The following CDH13 variants were observed in gnomAD, a reference collection of about 807,000 sequenced individuals.
The protein encoded by CDH13 is cadherin-13.
Under a neutral mutation model 63.8 loss-of-function variants are expected in CDH13, and 24 were observed. The observed-to-expected ratio is 0.38, with a 90% CI of 0.27 to 0.53. The LOEUF is 0.53. CDH13 is among the 20% of genes least tolerant of loss of function. The pLI is 0.85. For missense variants in CDH13, 1,049 were observed against 903.1 expected (o/e 1.16, Z -2.07); for synonymous variants, 503 against 355.3 (o/e 1.42, Z -4.67).
At chr16:83,176,754 G>T (rs946365738) in intron 4 of CDH13, among the ~76,000 whole-genome samples, 1 of 152,084 alleles carries the variant, frequency 6.6e-6, no homozygotes, top group Non-Finnish European at 1.5e-5. Flanking sequence ...GTCTTTAGTT[G>T]CTTGATGAAA....
chr16:83,416,297 A>G (rs2071546743), intron 6 of CDH13, among the ~76,000 whole-genome samples: 1 of 152,230 alleles, frequency 6.6e-6, no homozygotes, highest in Non-Finnish European at 1.5e-5. Flanking sequence ...AAGACTTACT[A>G]TTGTTAAAAC....
chr16:83,644,094 C>A (rs1314517655), intron 8 of CDH13, among the ~76,000 whole-genome samples: 1 of 152,230 alleles, frequency 6.6e-6, no homozygotes, highest in South Asian at 2.1e-4. Flanking sequence ...AGTCCTTGGA[C>A]CCTGCAGCCT....
intron 1 of CDH13, among the ~76,000 whole-genome samples, chr16:82,760,192 C>T (rs1373217066): frequency 2.0e-5 from 3 of 152,034 alleles, no homozygotes; most frequent in Non-Finnish European, 4.4e-5. Context: ...ATATCTGTGC[C>T]AGTTAGACAT....
intron 4 of CDH13, among the ~76,000 whole-genome samples, chr16:83,196,678 C>G (rs1315053358): frequency 6.6e-6 from 1 of 152,172 alleles, no homozygotes; most frequent in Non-Finnish European, 1.5e-5. Flanking sequence ...CAAATAAGCT[C>G]ATGAACAAAT....
intron 1 of CDH13, among the ~76,000 whole-genome samples, chr16:82,767,279 A>G (rs778354289): frequency 1.3e-5 from 2 of 152,188 alleles, no homozygotes; most frequent in Non-Finnish European, 2.9e-5. Context: ...AGTTCCCTCA[A>G]GCCTCTTCCG....
chr16:82,866,794 G>A (rs889691684), intron 2 of CDH13, among the ~76,000 whole-genome samples: 13 of 152,112 alleles, frequency 8.5e-5, no homozygotes, highest in South Asian at 2.1e-4. Context: ...GAGAAGTGCC[G>A]AGATAAGGGG....
intron 3 of CDH13, among the ~76,000 whole-genome samples, chr16:83,107,303 G>A (rs1272839234): frequency 7.4e-6 from 1 of 135,306 alleles, no homozygotes; most frequent in Non-Finnish European, 1.6e-5. Flanking sequence ...TTGAAAAAGA[G>A]TTCGTTGGGG....
At chr16:82,806,900 C>G (rs530405830) in intron 1 of CDH13, among the ~76,000 whole-genome samples, 24 of 152,188 alleles carry the variant, frequency 1.6e-4, no homozygotes, top group African/African-American at 5.8e-4. Flanking sequence ...GAATAATATG[C>G]TCTAGCATAT....
chr16:83,649,236 C>A (rs1383409445), intron 8 of CDH13, among the ~76,000 whole-genome samples: 1 of 152,202 alleles, frequency 6.6e-6, no homozygotes, highest in East Asian at 1.9e-4. Context: ...TTCAATCAGA[C>A]CCAATGAGGA....
intron 1 of CDH13, among the ~76,000 whole-genome samples, chr16:82,702,806 G>A (rs534434101): frequency 7.2e-5 from 11 of 152,228 alleles, no homozygotes; most frequent in African/African-American, 1.9e-4. Context: ...GTGGCCCCCA[G>A]GGTTCAGCTC....
chr16:83,140,043 C>G (rs1158530472), intron 4 of CDH13, among the ~76,000 whole-genome samples: 1 of 152,166 alleles, frequency 6.6e-6, no homozygotes, highest in Admixed American at 6.5e-5. Flanking sequence ...TTGGGGATAA[C>G]CGCTGTAGAC....
chr16:83,625,155 T>TGTGTGTGTGTGTGCTC (rs1491477550), intron 8 of CDH13, among the ~76,000 whole-genome samples: 4 of 133,094 alleles, frequency 3.0e-5, no homozygotes, highest in Non-Finnish European at 6.8e-5. Context: ...AAAGAAACTC[T>TGTGTGTGTGTGTGCTC]GTGTGTGTGT....
chr16:83,152,819 G>T (rs180726993), intron 4 of CDH13, among the ~76,000 whole-genome samples: 1 of 152,162 alleles, frequency 6.6e-6, no homozygotes, highest in South Asian at 2.1e-4. Flanking sequence ...TTAAGATGGG[G>T]TTATACTGAA....
chr16:83,351,280 CTTTTTT>C (rs5818442), intron 6 of CDH13, among the ~76,000 whole-genome samples: 1 of 135,058 alleles, frequency 7.4e-6, no homozygotes, highest in African/African-American at 2.7e-5. Flanking sequence ...GTGGCTATTT[CTTTTTT>C]TTTTTTTTTT....
chr16:83,746,533 G>A (rs746389911), intron 10 of CDH13, among the ~76,000 whole-genome samples: 16 of 152,242 alleles, frequency 1.1e-4, no homozygotes, highest in African/African-American at 2.6e-4. Flanking sequence ...TCTTTTTCCC[G>A]TGAAGACTCG....
At chr16:82,637,269 C>T (rs1235612061) in intron 1 of CDH13, among the ~76,000 whole-genome samples, 1 of 152,044 alleles carries the variant, frequency 6.6e-6, no homozygotes, top group Non-Finnish European at 1.5e-5. Context: ...AAGATTATTG[C>T]GTTCTGTGGC....
chr16:83,674,718 A>C (rs1431612080), intron 9 of CDH13, among the ~76,000 whole-genome samples: 2 of 152,248 alleles, frequency 1.3e-5, no homozygotes, highest in Non-Finnish European at 2.9e-5. Context: ...TAAAAGGACC[A>C]AATCCCAGTG....
chr16:82,861,683 T>A (rs534553337), intron 2 of CDH13, among the ~76,000 whole-genome samples: 1 of 152,240 alleles, frequency 6.6e-6, no homozygotes, highest in Non-Finnish European at 1.5e-5. Context: ...CTCTGATACA[T>A]CTTTCTCTCA....
chr16:83,058,333 C>G (rs1359838992), intron 3 of CDH13, among the ~76,000 whole-genome samples: 3 of 152,154 alleles, frequency 2.0e-5, no homozygotes, highest in Non-Finnish European at 4.4e-5. Context: ...ACGTTTTGTT[C>G]AAGTGGGGTT....
Sources: gnomAD v4.1 joint callset for allele counts (sites outside exome capture counted in the v4.1 genomes callset) on GRCh38, gnomAD v4.1.1 for gene constraint, MANE v1.5 for transcripts, NCBI Gene and HGNC (gene_info 2026-07-23, HGNC 2026-07-21) for gene names.